Variants in FRMD4B observed in about 807,000 individuals in gnomAD.
FRMD4B encodes FERM domain-containing protein 4B.
Under a neutral mutation model 141.5 loss-of-function variants are expected in FRMD4B, and 74 were observed. The ratio of observed to expected loss-of-function variants is 0.52; its 90% confidence interval spans 0.43 to 0.63. The LOEUF is 0.63. Among genes scored for constraint, FRMD4B ranks in the 30% least tolerant of loss-of-function variants. FRMD4B has a pLI of 0.00. For missense variants in FRMD4B, 1,366 were observed against 1,253.4 expected (o/e 1.09, Z -1.36); for synonymous variants, 506 against 467.9 (o/e 1.08, Z -1.05).
chr3:69,503,664 C>T (rs900968975), intron 1 of FRMD4B, among the ~76,000 whole-genome samples: 1 of 152,106 alleles, frequency 6.6e-6, no homozygotes, highest in African/African-American at 2.4e-5. Context: ...TGCACATGTA[C>T]CCTAGAACTT....
At chr3:69,299,636 T>A (rs1437248290) in intron 4 of FRMD4B, among the ~76,000 whole-genome samples, 1 of 152,218 alleles carries the variant, frequency 6.6e-6, no homozygotes, top group Non-Finnish European at 1.5e-5. Flanking sequence ...TCATCTAATC[T>A]CTTTTGTTAA....
At chr3:69,386,154 C>A, upstream of FRMD4B, 2 of 632,228 alleles carry the variant, frequency 3.2e-6, no homozygotes, top group Non-Finnish European at 5.2e-6. Flanking sequence ...CAGGCTCCGG[C>A]GGCATGCCCT....
rs1218586470 is a variant in FRMD4B, at chr3:69,458,533, T to A, written c.-128-25772A>T. On this transcript the variant is annotated intron_variant, in intron 1 of 5. Transcript: ENST00000459638. ...GTCCTCAACGTACAAAGACTGAACA[T>A]GGAAGGTGGACATTTGATGGGCTAA... Among the ~76,000 whole-genome samples the A allele has an allele frequency of 2.0e-5, 3 of 152,176 alleles. No homozygotes were observed. The East Asian group carries it at 5.8e-4, about 29-fold the overall frequency.
chr3:69,531,999 A>G (rs1377561542), intron 1 of FRMD4B, among the ~76,000 whole-genome samples: 1 of 152,214 alleles, frequency 6.6e-6, no homozygotes, highest in Non-Finnish European at 1.5e-5. Flanking sequence ...ATACAAATTG[A>G]ATTACTTTAA....
At chr3:69,424,627 G>A (rs975200962) in intron 2 of FRMD4B, among the ~76,000 whole-genome samples, 9 of 152,048 alleles carry the variant, frequency 5.9e-5, no homozygotes, top group Non-Finnish European at 1.2e-4. Flanking sequence ...ACTGATAGTC[G>A]GAAATAAATA....
intron 7 of FRMD4B, among the ~76,000 whole-genome samples, chr3:69,243,724 C>A (rs562519575): frequency 6.6e-6 from 1 of 152,280 alleles, no homozygotes; most frequent in Admixed American, 6.5e-5. Context: ...TGTGGTAAGA[C>A]TGAATGAAAT....
chr3:69,465,319 CAA>C (rs370690960), intron 1 of FRMD4B, among the ~76,000 whole-genome samples: 57 of 109,058 alleles, frequency 5.2e-4, no homozygotes, highest in Non-Finnish European at 3.0e-4. Context: ...GGCTCCGTCT[CAA>C]AAAAAAAAAA....
Position 69,380,997 on chromosome 3 carries a change from G to A in FRMD4B, c.162+4831C>T, listed in dbSNP as rs139289203. On this transcript the variant is annotated intron_variant, in intron 1 of 22. Transcript: ENST00000398540. ...GCTATAACAAAACCCATCCAGGCAA[G>A]ATATAAGGAGGACAGGGATATGGCT... Among the ~76,000 whole-genome samples, 524 of 152,302 alleles carry A rather than the reference G, an allele frequency of 3.4e-3. 2 individuals carry two copies. Among genetic ancestry groups the A allele is most frequent in the African/African-American group, 0.012 (492 of 41,554 alleles).
chr3:69,464,260 G>A (rs759032058), intron 1 of FRMD4B, among the ~76,000 whole-genome samples: 1 of 152,172 alleles, frequency 6.6e-6, no homozygotes, highest in Non-Finnish European at 1.5e-5. Flanking sequence ...GTCAGAAATG[G>A]GAAGGGTATG....
intron 7 of FRMD4B, among the ~76,000 whole-genome samples, chr3:69,225,692 CTCAAAAAAAAAAAAAAA>C (rs1559732967): frequency 9.7e-4 from 65 of 67,140 alleles, no homozygotes; most frequent in Non-Finnish European, 1.3e-3. Flanking sequence ...AAGACTCCGT[CTCAAAAAAAAAAAAAAA>C]AAAAAAAAAA....
chr3:69,332,695 G>C (rs896661515), intron 1 of FRMD4B, among the ~76,000 whole-genome samples: 4 of 150,432 alleles, frequency 2.7e-5, no homozygotes, highest in African/African-American at 9.8e-5. Context: ...TCCTACTTCA[G>C]CTTCCCGAGT....
chr3:69,461,437 C>A (rs1262097514), intron 1 of FRMD4B, among the ~76,000 whole-genome samples: 1 of 151,338 alleles, frequency 6.6e-6, no homozygotes, highest in African/African-American at 2.4e-5. Context: ...CCAGGCTGGG[C>A]AACATAGTGA....
rs547241047 is a variant in FRMD4B, at chr3:69,483,324, A to C, written c.-128-50563T>G. 5.9e-5 allele frequency among the ~76,000 whole-genome samples: 9 copies of C among 152,358 alleles called. No homozygotes were observed. In the South Asian group the frequency reaches 1.9e-3, roughly 32 times the overall value. ...CCAGAGATTCTTGGATTTTAAAATA[A>C]ATCTTAAGAGCTGCTTCTTTCCTTC... On this transcript the variant is annotated intron_variant, in intron 1 of 5. Transcript: ENST00000459638.
intron 1 of FRMD4B, among the ~76,000 whole-genome samples, chr3:69,482,827 C>A (rs545107696): frequency 6.6e-6 from 1 of 152,178 alleles, no homozygotes; most frequent in Non-Finnish European, 1.5e-5. Flanking sequence ...TAAACTGTTA[C>A]TCTTTTTTGG....
intron 1 of FRMD4B, among the ~76,000 whole-genome samples, chr3:69,507,225 G>A (rs1351264126): frequency 1.3e-5 from 2 of 152,148 alleles, no homozygotes; most frequent in Non-Finnish European, 2.9e-5. Flanking sequence ...TATACAGACA[G>A]TAAATTTTGA....
chr3:69,381,091 T>C (rs369467939), intron 1 of FRMD4B, among the ~76,000 whole-genome samples: 2 of 152,210 alleles, frequency 1.3e-5, no homozygotes, highest in African/African-American at 4.8e-5. Context: ...TTAGCCAAAT[T>C]CAAGGCTTCA....
At chr3:69,492,966 T>C (rs115253049) in intron 1 of FRMD4B, among the ~76,000 whole-genome samples, 2,005 of 152,284 alleles carry the variant, frequency 0.013, 39 homozygotes, top group African/African-American at 0.045. Flanking sequence ...TCAGCAACCA[T>C]CTCTGTATCT....
At chr3:69,374,610 G>A (rs1055177364) in intron 1 of FRMD4B, among the ~76,000 whole-genome samples, 2 of 152,198 alleles carry the variant, frequency 1.3e-5, no homozygotes, top group Non-Finnish European at 2.9e-5. Flanking sequence ...TAGTACTATG[G>A]AGTAAGGGTC....
At chr3:69,438,127 A>G (rs1705290085) in intron 1 of FRMD4B, among the ~76,000 whole-genome samples, 1 of 149,816 alleles carries the variant, frequency 6.7e-6, no homozygotes, top group African/African-American at 2.4e-5. Context: ...CTGTCAAGAT[A>G]GGGTCTCGCC....
Sources: allele counts gnomAD v4.1 joint callset (sites outside exome capture counted in the v4.1 genomes callset), GRCh38; gene constraint gnomAD v4.1.1; transcripts MANE v1.5; gene names NCBI Gene and HGNC (gene_info 2026-07-23, HGNC 2026-07-21).